SH3GL2: variants seen among roughly 807,000 people sequenced by gnomAD.
The protein encoded by SH3GL2 is endophilin-A1.
In SH3GL2, 24 loss-of-function variants were observed where a neutral mutation model predicts 46.0. That is an observed-to-expected ratio of 0.52 (90% CI 0.38 to 0.73). The LOEUF (loss-of-function observed/expected upper bound fraction) is 0.73, where lower values mean the gene tolerates loss of function less well. Ranked by LOEUF, SH3GL2 falls within the 30% of genes least tolerant of loss-of-function variation. The probability of loss-of-function intolerance (pLI) is 0.00; values close to 1 mark genes in which losing one functional copy is unlikely to be tolerated. For synonymous variants in SH3GL2, 196 were observed against 147.1 expected, an observed-to-expected ratio of 1.33 and a Z score of -2.40; for missense variants, 413 against 424.2, an observed-to-expected ratio of 0.97 and a Z score of 0.23.
At position 17,619,691 on chromosome 9, in the gene SH3GL2, AAT is replaced by A. The variant is rs1304851227; in HGVS notation, c.45+40406_45+40407del. On this transcript the variant is annotated intron_variant, in intron 1 of 8. Transcript: ENST00000380607. The stretch of plus-strand genomic sequence containing the variant: ...AAACTCCATCTCAAAAAAAAAATAA[AAT>A]AAAATAAGTGAGTGAACCATAAATT... 1.3e-3 allele frequency among the ~76,000 whole-genome samples: 194 copies of A among 151,046 alleles called. 1 individual carries two copies. Among genetic ancestry groups the A allele is most frequent in the African/African-American group, 4.8e-3 (192 of 40,348 alleles).
At chr9:17,712,859 C>CCACT (rs1427395600) in intron 1 of SH3GL2, among the ~76,000 whole-genome samples, 2 of 132,220 alleles carry the variant, frequency 1.5e-5, no homozygotes, top group African/African-American at 5.9e-5. Context: ...ACCCACCCAC[C>CCACT]CACTCACTCA....
intron 7 of SH3GL2, 33 bp from the exon 8 acceptor site, chr9:17,793,334 A>G: frequency 1.9e-6 from 3 of 1,593,156 alleles, no homozygotes; most frequent in South Asian, 1.1e-5. Flanking sequence ...AACTGGTTAC[A>G]TAACCTTTCC....
chr9:17,601,866 A>T (rs577838189), intron 1 of SH3GL2, among the ~76,000 whole-genome samples: 1 of 152,266 alleles, frequency 6.6e-6, no homozygotes, highest in African/African-American at 2.4e-5. Flanking sequence ...GGTGGGTTTG[A>T]TGCTGCCAAA....
intron 1 of SH3GL2, among the ~76,000 whole-genome samples, chr9:17,731,551 A>G (rs1302770052): frequency 1.3e-5 from 2 of 152,082 alleles, no homozygotes; most frequent in African/African-American, 4.8e-5. Flanking sequence ...GCGTCATGCA[A>G]GCCAGGAATT....
chr9:17,752,767 C>T (rs1328808458), intron 2 of SH3GL2, among the ~76,000 whole-genome samples: 1 of 152,056 alleles, frequency 6.6e-6, no homozygotes, highest in African/African-American at 2.4e-5. Flanking sequence ...TAGGTAGACA[C>T]GTGTCATGGG....
At chr9:17,663,320 T>G (rs1588215340) in intron 1 of SH3GL2, among the ~76,000 whole-genome samples, 2 of 152,292 alleles carry the variant, frequency 1.3e-5, no homozygotes, top group African/African-American at 4.8e-5. Flanking sequence ...CTTCAGTTTT[T>G]TTGTATTAGA....
At chr9:17,618,082 C>G (rs1025114040) in intron 1 of SH3GL2, among the ~76,000 whole-genome samples, 11 of 152,072 alleles carry the variant, frequency 7.2e-5, no homozygotes, top group Admixed American at 7.2e-4. Flanking sequence ...GAGAGGAAAG[C>G]AATAGATTTT....
intron 2 of SH3GL2, among the ~76,000 whole-genome samples, chr9:17,759,491 G>A (rs924968936): frequency 1.3e-5 from 2 of 152,160 alleles, no homozygotes; most frequent in African/African-American, 4.8e-5. Flanking sequence ...CTTTCAAGAA[G>A]TATAGGATGG....
intron 1 of SH3GL2, chr9:17,653,953 T>G: frequency 3.6e-6 from 2 of 561,276 alleles, no homozygotes; most frequent in Non-Finnish European, 4.5e-6. Context: ...TAGGCAGATC[T>G]TCTTTTAAAC....
At chr9:17,760,246 A>G (rs1443224575) in intron 2 of SH3GL2, among the ~76,000 whole-genome samples, 1 of 152,230 alleles carries the variant, frequency 6.6e-6, no homozygotes, top group African/African-American at 2.4e-5. Context: ...TAACTTCACA[A>G]GAAAAAATTT....
chr9:17,751,255 A>T (rs1378133599), intron 2 of SH3GL2, among the ~76,000 whole-genome samples: 1 of 152,170 alleles, frequency 6.6e-6, no homozygotes, highest in Non-Finnish European at 1.5e-5. Context: ...AGAGAGGATT[A>T]TTGGCAGATT....
chr9:17,588,424 A>T (rs1032185328), intron 1 of SH3GL2, among the ~76,000 whole-genome samples: 3 of 152,232 alleles, frequency 2.0e-5, no homozygotes, highest in African/African-American at 7.2e-5. Flanking sequence ...ATCTAATCTC[A>T]TGAGCCCTTT....
chr9:17,622,617 A>C (rs1402260851), intron 1 of SH3GL2, among the ~76,000 whole-genome samples: 1 of 152,192 alleles, frequency 6.6e-6, no homozygotes, highest in Non-Finnish European at 1.5e-5. Flanking sequence ...CCAATTAAAA[A>C]ATGTGGAAGA....
intron 1 of SH3GL2, among the ~76,000 whole-genome samples, chr9:17,620,862 G>A (rs1245193716): frequency 6.6e-6 from 1 of 152,190 alleles, no homozygotes; most frequent in Non-Finnish European, 1.5e-5. Flanking sequence ...TGTCAGAGGG[G>A]TCTGAAAGGG....
chr9:17,593,077 C>T (rs764454632), intron 1 of SH3GL2, among the ~76,000 whole-genome samples: 1 of 152,162 alleles, frequency 6.6e-6, no homozygotes, highest in Non-Finnish European at 1.5e-5. Flanking sequence ...TATGGAAGCT[C>T]CAGGCTGCTT....
At chr9:17,683,664 C>A (rs550871430) in intron 1 of SH3GL2, among the ~76,000 whole-genome samples, 1 of 152,186 alleles carries the variant, frequency 6.6e-6, no homozygotes, top group South Asian at 2.1e-4. Context: ...TCTCTACATA[C>A]ACCAGGATGC....
At chr9:17,653,791 T>C (rs1057346683) in intron 1 of SH3GL2, 2 of 621,708 alleles carry the variant, frequency 3.2e-6, no homozygotes, top group South Asian at 1.4e-4. Context: ...AATTTGAGGG[T>C]GGCTGAATTG....
At chr9:17,714,369 C>G (rs1207507658) in intron 1 of SH3GL2, among the ~76,000 whole-genome samples, 5 of 151,552 alleles carry the variant, frequency 3.3e-5, no homozygotes, top group Admixed American at 1.3e-4. Context: ...TATGATTATT[C>G]ATATCTTTAG....
At chr9:17,713,515 A>G (rs1821681453) in intron 1 of SH3GL2, among the ~76,000 whole-genome samples, 1 of 151,134 alleles carries the variant, frequency 6.6e-6, no homozygotes, top group Non-Finnish European at 1.5e-5. Context: ...TTCTTTTCTA[A>G]CACAGATGTT....
Sources: allele counts gnomAD v4.1 joint callset (sites outside exome capture counted in the v4.1 genomes callset), GRCh38; gene constraint gnomAD v4.1.1; transcripts MANE v1.5; gene names NCBI Gene and HGNC (gene_info 2026-07-23, HGNC 2026-07-21).